VSTM4: variants seen among roughly 807,000 people sequenced by gnomAD.
The protein encoded by VSTM4 is V-set and transmembrane domain-containing protein 4.
In VSTM4, 20 loss-of-function variants were observed where a neutral mutation model predicts 36.4. That is an observed-to-expected ratio of 0.55 (90% confidence interval 0.39 to 0.80). The LOEUF (loss-of-function observed/expected upper bound fraction) is 0.80, where lower values mean the gene tolerates loss of function less well. VSTM4 is among the 30% of genes least tolerant of loss of function. The pLI, the probability that VSTM4 is intolerant of heterozygous loss-of-function variation, is 0.00. For synonymous variants in VSTM4, 182 were observed against 173.9 expected (o/e 1.05, Z -0.37); for missense variants, 392 against 404.5 (o/e 0.97, Z 0.26).
chr10:49,018,893 G>C lies in VSTM4; in HGVS notation c.*757C>G, dbSNP rs1431710654. The stretch of plus-strand genomic sequence containing the variant: ...GTGTGTCTTCTGATGGCCAACACCT[G>C]TGCTCCTTTGGAAAAGGGTGAGTAA... On this transcript the variant is annotated 3_prime_UTR_variant, in exon 8 of 8. Coordinates refer to ENST00000332853, the MANE Select transcript of VSTM4 (RefSeq NM_001031746.5). 1 of 152,286 alleles carries C rather than the reference G, an allele frequency of 6.6e-6. No individual in the cohort carries two copies. Among genetic ancestry groups the C allele is most frequent in the Non-Finnish European group, 1.5e-5 (1 of 68,088 alleles). 9.4% of individuals were successfully genotyped at this position (152,286 alleles called of 1,614,324 possible). A position where few individuals can be genotyped will look rare whatever the true frequency, so the allele number is the denominator to read the frequency against.
rs1843993830 is a variant in VSTM4 at position 49,067,482 on chromosome 10, G to A, written c.635-2746C>T. ...TATTTGGAGATAGGGTCTTTAAAGA[G>A]GTAATTAAGTTAAAATGAGGCCATT... On this transcript the variant is annotated intron_variant, in intron 4 of 7. Coordinates refer to ENST00000332853, the MANE Select transcript of VSTM4 (RefSeq NM_001031746.5). 2.0e-5 allele frequency among the ~76,000 whole-genome samples: 3 copies of A among 152,170 alleles called. No homozygotes were observed. In the South Asian group the frequency reaches 6.2e-4, roughly 32 times the overall value.
chr10:49,072,859 CT>C (rs1844106082), intron 4 of VSTM4, among the ~76,000 whole-genome samples: 1 of 152,212 alleles, frequency 6.6e-6, no homozygotes, highest in Non-Finnish European at 1.5e-5. Context: ...CCAGGTGACA[CT>C]GCCAGAAGAA....
chr10:49,068,645 T>G lies in VSTM4; in HGVS notation c.635-3909A>C, dbSNP rs545802440. 3.3e-5 allele frequency among the ~76,000 whole-genome samples: 5 copies of G among 152,288 alleles called. No individual in the cohort carries two copies. The East Asian group carries it at 9.6e-4, about 29-fold the overall frequency. ...GAGTCACCCTTAAATATGCATAGCA[T>G]AATTAGTGCTATTAATATTTACCGA... On this transcript the variant is annotated intron_variant, in intron 4 of 7. Transcript: ENST00000332853.
chr10:49,109,364 G>A (rs571407218), intron 1 of VSTM4, among the ~76,000 whole-genome samples: 1 of 152,170 alleles, frequency 6.6e-6, no homozygotes, highest in African/African-American at 2.4e-5. Context: ...GCGGTGGGCT[G>A]GGGGAGGGAT....
At chr10:49,065,280 T>G (rs758794399) in intron 4 of VSTM4, among the ~76,000 whole-genome samples, 1 of 152,182 alleles carries the variant, frequency 6.6e-6, no homozygotes, top group Non-Finnish European at 1.5e-5. Context: ...ATCCAGCAAG[T>G]GTCCACTCTG....
intron 7 of VSTM4, among the ~76,000 whole-genome samples, chr10:49,023,805 C>T (rs1370859722): frequency 6.6e-6 from 1 of 152,132 alleles, no homozygotes; most frequent in Non-Finnish European, 1.5e-5. Flanking sequence ...CAGAAGGTTG[C>T]GGAGTGTTAG....
intron 7 of VSTM4, 114 bp downstream of exon 7, chr10:49,046,869 G>T: frequency 9.3e-7 from 1 of 1,069,536 alleles, no homozygotes; most frequent in Non-Finnish European, 1.4e-6. Context: ...TTTGTTTGGG[G>T]ACAAAAGTTT....
At chr10:49,106,414 G>A (rs1356447864) in intron 2 of VSTM4, among the ~76,000 whole-genome samples, 2 of 152,222 alleles carry the variant, frequency 1.3e-5, no homozygotes, top group Non-Finnish European at 2.9e-5. Flanking sequence ...CTAAAATTGT[G>A]AGAGGTGTCT....
chr10:49,021,661 G>T (rs925190984), intron 7 of VSTM4, among the ~76,000 whole-genome samples: 1 of 151,718 alleles, frequency 6.6e-6, no homozygotes, highest in African/African-American at 2.4e-5. Flanking sequence ...GTCACACTTA[G>T]ACATCATTTA....
chr10:49,058,254 G>A (rs1480123151), intron 5 of VSTM4, among the ~76,000 whole-genome samples: 2 of 152,172 alleles, frequency 1.3e-5, no homozygotes, highest in African/African-American at 4.8e-5. Context: ...GAGACATCCT[G>A]GCTGGGCATT....
chr10:49,079,208 A>C (rs1034174950), intron 3 of VSTM4, among the ~76,000 whole-genome samples: 2 of 151,720 alleles, frequency 1.3e-5, no homozygotes, highest in Non-Finnish European at 2.9e-5. Flanking sequence ...GTTCATGTAC[A>C]TACATCTCTT....
chr10:49,069,339 T>C (rs984195537), intron 4 of VSTM4, among the ~76,000 whole-genome samples: 1 of 152,234 alleles, frequency 6.6e-6, no homozygotes, highest in Non-Finnish European at 1.5e-5. Context: ...GTTTCTGCTG[T>C]ATCCATCAAG....
intron 3 of VSTM4, among the ~76,000 whole-genome samples, chr10:49,084,893 T>C (rs949616701): frequency 6.6e-5 from 10 of 152,240 alleles, no homozygotes; most frequent in Non-Finnish European, 1.5e-5. Context: ...CAAAATTCTT[T>C]GTCATGGGGA....
intron 5 of VSTM4, among the ~76,000 whole-genome samples, chr10:49,063,067 G>T (rs909685457): frequency 4.0e-5 from 6 of 151,172 alleles, no homozygotes. Flanking sequence ...GCCTGCAGGT[G>T]GTGCCTCATG....
At chr10:49,055,248 C>G (rs147617594) in intron 5 of VSTM4, among the ~76,000 whole-genome samples, 26 of 152,296 alleles carry the variant, frequency 1.7e-4, no homozygotes, top group African/African-American at 5.1e-4. Context: ...TGAAAGGTGT[C>G]GCTTCAGCTG....
chr10:49,035,592 G>T (rs559749755), intron 7 of VSTM4, among the ~76,000 whole-genome samples: 16 of 150,606 alleles, frequency 1.1e-4, no homozygotes, highest in African/African-American at 3.9e-4. Flanking sequence ...CTAGCACTTT[G>T]GGAGGCCAAA....
chr10:49,044,949 A>C (rs1843584005), intron 7 of VSTM4, among the ~76,000 whole-genome samples: 1 of 152,182 alleles, frequency 6.6e-6, no homozygotes, highest in South Asian at 2.1e-4. Context: ...AACATTGAAA[A>C]GATAATCTCT....
intron 2 of VSTM4, chr10:49,103,727 C>A (rs780061359): frequency 6.2e-7 from 1 of 1,611,064 alleles, no homozygotes; most frequent in Non-Finnish European, 8.5e-7. Flanking sequence ...GAAAGACAAG[C>A]AATTTTATCT....
At chr10:49,024,413 A>G (rs1843226719) in intron 7 of VSTM4, among the ~76,000 whole-genome samples, 1 of 152,210 alleles carries the variant, frequency 6.6e-6, no homozygotes, top group Non-Finnish European at 1.5e-5. Flanking sequence ...GAAGGCTGCA[A>G]TAAAGGGAAA....
Sources: allele counts gnomAD v4.1 joint callset (sites outside exome capture counted in the v4.1 genomes callset), GRCh38; gene constraint gnomAD v4.1.1; transcripts MANE v1.5; gene names NCBI Gene and HGNC (gene_info 2026-07-23, HGNC 2026-07-21).